The following LRMDA variants were observed in gnomAD, a reference collection of about 807,000 sequenced individuals.
LRMDA encodes the protein leucine-rich melanocyte differentiation-associated protein.
In LRMDA, 18 loss-of-function variants were observed where a neutral mutation model predicts 29.8. The ratio of observed to expected loss-of-function variants is 0.60; its 90% CI spans 0.42 to 0.90. The LOEUF is 0.90. Among genes scored for constraint, LRMDA ranks in the 40% least tolerant of loss-of-function variants. The pLI is 0.00. For missense variants in LRMDA, 273 were observed against 273.9 expected, an observed-to-expected ratio of 1.00 and a Z score of 0.02; for synonymous variants, 125 against 109.4, an observed-to-expected ratio of 1.14 and a Z score of -0.89.
chr10:75,805,397 C>T (rs1164931655), intron 2 of LRMDA, among the ~76,000 whole-genome samples: 6 of 152,120 alleles, frequency 3.9e-5, no homozygotes, highest in Admixed American at 1.3e-4. Context: ...ACTGAAGGAA[C>T]CTTGGAGGTT....
chr10:76,222,527 C>T (rs866624754), intron 5 of LRMDA, among the ~76,000 whole-genome samples: 11 of 152,258 alleles, frequency 7.2e-5, no homozygotes, highest in Middle Eastern at 3.4e-3. Context: ...AAAATGCTCA[C>T]CATCACTGGC....
chr10:76,459,473 C>A (rs889662832), intron 6 of LRMDA, among the ~76,000 whole-genome samples: 1 of 152,154 alleles, frequency 6.6e-6, no homozygotes, highest in African/African-American at 2.4e-5. Context: ...GGATTTTGCC[C>A]TCTGTTTTGT....
At chr10:75,850,340 C>A (rs1844711288) in intron 2 of LRMDA, among the ~76,000 whole-genome samples, 1 of 152,166 alleles carries the variant, frequency 6.6e-6, no homozygotes, top group African/African-American at 2.4e-5. Context: ...ATGATGGAGT[C>A]TTTTATTTTA....
rs144352579 is a variant in LRMDA, at chr10:76,243,441, G to A, written c.517-80960G>A. 2.1e-3 allele frequency among the ~76,000 whole-genome samples: 323 copies of A among 152,156 alleles called. 1 individual carries two copies. Among genetic ancestry groups the A allele is most frequent in the African/African-American group, 7.3e-3 (305 of 41,518 alleles). ...TTAGTGGGTGGCTGTAGCTTACGTC[G>A]ACACCAGCTAGCTATTTTACTCTTG... On this transcript the variant is annotated intron_variant, in intron 5 of 6. Coordinates refer to ENST00000611255, the MANE Select transcript of LRMDA (RefSeq NM_001305581.2).
chr10:75,857,619 A>G (rs747001385), intron 2 of LRMDA, among the ~76,000 whole-genome samples: 8 of 152,180 alleles, frequency 5.3e-5, no homozygotes, highest in East Asian at 1.9e-4. Context: ...AAAGTAATCT[A>G]TTGGTTTGGG....
chr10:76,069,754 C>T (rs1051804609), intron 5 of LRMDA, among the ~76,000 whole-genome samples: 8 of 151,916 alleles, frequency 5.3e-5, no homozygotes, highest in Admixed American at 4.6e-4. Flanking sequence ...GGCTCGGTGA[C>T]CTGTCACGTA....
chr10:76,542,075 G>GTGTT (rs1843364114), intron 6 of LRMDA, among the ~76,000 whole-genome samples: 1 of 152,112 alleles, frequency 6.6e-6, no homozygotes, highest in Non-Finnish European at 1.5e-5. Flanking sequence ...GTGTGTGTGT[G>GTGTT]TGTGTAGGCA....
intron 2 of LRMDA, among the ~76,000 whole-genome samples, chr10:75,643,852 T>G (rs924432704): frequency 3.3e-5 from 5 of 152,210 alleles, no homozygotes; most frequent in African/African-American, 4.8e-5. Flanking sequence ...AAAACTCTTA[T>G]GCAATGTGAA....
chr10:76,179,768 G>A (rs548229206), intron 5 of LRMDA, among the ~76,000 whole-genome samples: 1 of 152,156 alleles, frequency 6.6e-6, no homozygotes, highest in African/African-American at 2.4e-5. Context: ...GCCTGAAAGA[G>A]TAGTGAGTCC....
intron 2 of LRMDA, among the ~76,000 whole-genome samples, chr10:75,451,880 A>G (rs1369792931): frequency 6.6e-6 from 1 of 151,822 alleles, no homozygotes; most frequent in Admixed American, 6.6e-5. Context: ...TCTGGTAAAA[A>G]AAAAAAAAAA....
At chr10:76,162,763 A>G (rs1176300448) in intron 5 of LRMDA, among the ~76,000 whole-genome samples, 1 of 152,134 alleles carries the variant, frequency 6.6e-6, no homozygotes, top group African/African-American at 2.4e-5. Flanking sequence ...ATTCAACATG[A>G]GATTTGGGGA....
At chr10:75,870,337 G>T (rs192896617) in intron 2 of LRMDA, among the ~76,000 whole-genome samples, 2 of 151,974 alleles carry the variant, frequency 1.3e-5, no homozygotes, top group East Asian at 3.9e-4. Flanking sequence ...TGTAGAAAAA[G>T]GCATTGATTG....
intron 6 of LRMDA, among the ~76,000 whole-genome samples, chr10:76,487,764 A>G (rs1842796673): frequency 3.3e-5 from 5 of 151,918 alleles, no homozygotes; most frequent in Admixed American, 3.3e-4. Context: ...CATTTTACAT[A>G]GATAGGTTAC....
chr10:76,126,187 A>G (rs1849879866), intron 5 of LRMDA, among the ~76,000 whole-genome samples: 1 of 152,186 alleles, frequency 6.6e-6, no homozygotes. Context: ...TGTGGCCTCG[A>G]GAGCATTGAG....
intron 2 of LRMDA, among the ~76,000 whole-genome samples, chr10:75,660,110 CTA>C (rs1841732478): frequency 6.6e-6 from 1 of 152,184 alleles, no homozygotes. Context: ...CACACACACA[CTA>C]TCTTGAAGGT....
chr10:76,014,409 G>C (rs1299103764), intron 2 of LRMDA, among the ~76,000 whole-genome samples: 1 of 151,476 alleles, frequency 6.6e-6, no homozygotes, highest in African/African-American at 2.4e-5. Flanking sequence ...TCACTTTCTG[G>C]TGTTTTGTGT....
intron 1 of LRMDA, among the ~76,000 whole-genome samples, chr10:75,432,581 CCT>C (rs1362326038): frequency 6.6e-6 from 1 of 152,180 alleles, no homozygotes; most frequent in African/African-American, 2.4e-5. Flanking sequence ...AAGCCAGAGC[CCT>C]CTTACTTCCC....
intron 5 of LRMDA, among the ~76,000 whole-genome samples, chr10:76,063,061 A>T (rs2132059732): frequency 6.6e-6 from 1 of 152,334 alleles, no homozygotes; most frequent in East Asian, 1.9e-4. Flanking sequence ...CAAAGAGCAC[A>T]GTTGTCATTT....
At chr10:75,981,352 T>C (rs1247751328) in intron 2 of LRMDA, among the ~76,000 whole-genome samples, 1 of 152,208 alleles carries the variant, frequency 6.6e-6, no homozygotes, top group Non-Finnish European at 1.5e-5. Flanking sequence ...CCGTGGAGTA[T>C]TGCTGACTTG....
Sources: gnomAD v4.1 joint callset for allele counts (sites outside exome capture counted in the v4.1 genomes callset) on GRCh38, gnomAD v4.1.1 for gene constraint, MANE v1.5 for transcripts, NCBI Gene and HGNC (gene_info 2026-07-23, HGNC 2026-07-21) for gene names.